SCN2A: variants seen among roughly 807,000 people sequenced by gnomAD.
The protein encoded by SCN2A is sodium channel protein type 2 subunit alpha.
A neutral mutation model predicts 188.7 loss-of-function variants in SCN2A; 20 were observed. The ratio of observed to expected loss-of-function variants is 0.11; its 90% CI spans 0.07 to 0.15. The LOEUF is 0.15. Among genes scored for constraint, SCN2A ranks in the 10% least tolerant of loss-of-function variants. The pLI, the probability that SCN2A is intolerant of heterozygous loss-of-function variation, is 1.00. For missense variants in SCN2A, 1,278 were observed against 2,445.0 expected (o/e 0.52, Z 10.07); for synonymous variants, 804 against 833.1 (o/e 0.97, Z 0.60).
At chr2:165,327,348 A>T (rs1245990163) in intron 13 of SCN2A, 1 of 226,420 alleles carries the variant, frequency 4.4e-6, no homozygotes, top group African/African-American at 2.3e-5. Context: ...GACACAAGTT[A>T]TAAAATCCTA....
chr2:165,291,487 TTTCTTTTC>T (rs751842222), intron 1 of SCN2A, among the ~76,000 whole-genome samples: 2,462 of 61,186 alleles, frequency 0.04, 39 homozygotes, highest in African/African-American at 0.067. Flanking sequence ...TCTTTCTTTC[TTTCTTTTC>T]TTTCTTTCTT....
chr2:165,292,438 G>C (rs556679646), intron 1 of SCN2A, among the ~76,000 whole-genome samples: 2 of 152,240 alleles, frequency 1.3e-5, no homozygotes, highest in South Asian at 4.1e-4. Flanking sequence ...CAGGTAGCAA[G>C]CATAGTACCC....
At chr2:165,292,952 C>G (rs1183437632) in intron 1 of SCN2A, among the ~76,000 whole-genome samples, 1 of 152,166 alleles carries the variant, frequency 6.6e-6, no homozygotes, top group Non-Finnish European at 1.5e-5. Flanking sequence ...TAATTGAAAG[C>G]CTAGCATTCA....
rs1702006258 is a variant in SCN2A, at chr2:165,388,719, G to A, written c.4913G>A (p.Arg1638His). 1 of 1,613,944 alleles carries A rather than the reference G, an allele frequency of 6.2e-7. No individual in the cohort carries two copies. Among genetic ancestry groups the A allele is most frequent in the Non-Finnish European group, 8.5e-7 (1 of 1,179,906 alleles). The change falls in exon 27 of 27, where the codon CGT becomes CAT. Residue 1638 changes from arginine (R) to histidine (H), a missense_variant. Arg to His is a conservative substitution (Grantham distance 29). Around this residue, in one of 17 missense-constraint regions of SCN2A, gnomAD observed 4 missense variants for 65.7 expected, o/e 0.06. Transcript: ENST00000375437. ...CTTGCCAGGATTGGCCGAATCCTAC[G>A]TCTGATCAAAGGAGCAAAGGGGATC... is the stretch of plus-strand genomic sequence containing the variant. ...IRLARIGRIL[R>H]LIKGAKGIRT...
chr2:165,303,270 G>GTTTTTTTTTTTTTTTTTTTTTTTTTTT (rs71028477), intron 3 of SCN2A, among the ~76,000 whole-genome samples: 3 of 91,314 alleles, frequency 3.3e-5, no homozygotes, highest in Admixed American at 1.5e-4. Context: ...TGTTATTTGA[G>GTTTTTTTTTTTTTTTTTTTTTTTTTTT]TTTTTTTTTT....
At chr2:165,260,061 A>G (rs1043725558) in intron 1 of SCN2A, among the ~76,000 whole-genome samples, 1 of 148,112 alleles carries the variant, frequency 6.8e-6, no homozygotes, top group African/African-American at 2.5e-5. Flanking sequence ...CTCCCACCTC[A>G]ACCTCCCGAG....
intron 8 of SCN2A, among the ~76,000 whole-genome samples, chr2:165,313,109 C>G (rs1304597352): frequency 2.0e-5 from 3 of 152,070 alleles, no homozygotes; most frequent in South Asian, 4.1e-4. Flanking sequence ...TGCCCAAGAT[C>G]GTTCAGCTCA....
intron 13 of SCN2A, chr2:165,328,543 G>C: frequency 2.0e-6 from 2 of 982,590 alleles, no homozygotes; most frequent in Non-Finnish European, 2.4e-6. Context: ...GACAGGGTAA[G>C]TCTAAATCAA....
At position 165,372,994 on chromosome 2, in the gene SCN2A, G is replaced by A. The variant is rs144431811; in HGVS notation, c.3850-231G>A. On this transcript the variant is annotated intron_variant, in intron 20 of 26. Coordinates refer to ENST00000375437, the MANE Select transcript of SCN2A (RefSeq NM_001040142.2). ...ATGGGCTTCTTTTTTATAAGTGTTC[G>A]CAGACTAGTATCATTAACTTCACCC... 885 of 414,988 alleles carry A rather than the reference G, an allele frequency of 2.1e-3. 5 individuals carry two copies. The highest frequency in any genetic ancestry group is 0.016 in the African/African-American group (797 of 49,716). The allele number at this position is 414,988 out of a possible 1,614,324, so 25.7% of individuals were successfully genotyped here.
At chr2:165,259,364 T>G (rs1694474546) in intron 1 of SCN2A, among the ~76,000 whole-genome samples, 1 of 152,202 alleles carries the variant, frequency 6.6e-6, no homozygotes, top group South Asian at 2.1e-4. Context: ...TTGCATTGAT[T>G]GACTCATATT....
chr2:165,260,837 G>A (rs1694562205), intron 1 of SCN2A, among the ~76,000 whole-genome samples: 1 of 151,910 alleles, frequency 6.6e-6, no homozygotes, highest in African/African-American at 2.4e-5. Flanking sequence ...GGGGGTGGTG[G>A]CAGGCACTTG....
Position 165,323,520 on chromosome 2 carries a change from C to T in SCN2A, c.2016+20C>T. 1 of 1,593,524 alleles carries T rather than the reference C, an allele frequency of 6.3e-7. No individual in the cohort carries two copies. Among genetic ancestry groups the T allele is most frequent in the South Asian group, 1.1e-5 (1 of 88,898 alleles). On this transcript the variant is annotated intron_variant, in intron 12 of 26. Coordinates refer to ENST00000375437, the MANE Select transcript of SCN2A (RefSeq NM_001040142.2). ...CCAGAGGTGAGGCCAATTAAAATTG[C>T]AGCTGATGTGAAGAGAGTTGTGACT...
chr2:165,339,065 G>GA lies in SCN2A; in HGVS notation c.2389-3225dup, dbSNP rs1255386199. On this transcript the variant is annotated intron_variant, in intron 14 of 26. Coordinates refer to ENST00000375437, the MANE Select transcript of SCN2A (RefSeq NM_001040142.2). ...TGAAACCCCGTCTGTACTAAAAATAGAAAAAATTAGCTGAGCGTGGTGGCA... is the reference window on the plus strand; with the variant it reads ...TGAAACCCCGTCTGTACTAAAAATAGAAAAAAATTAGCTGAGCGTGGTGGCA... Among the ~76,000 whole-genome samples the GA allele has an allele frequency of 2.0e-5, 3 of 151,956 alleles. No individual in the cohort carries two copies. The East Asian group carries it at 5.8e-4, about 29-fold the overall frequency.
intron 1 of SCN2A, among the ~76,000 whole-genome samples, chr2:165,291,481 T>C (rs1696153624): frequency 1.6e-5 from 1 of 61,022 alleles, no homozygotes; most frequent in Non-Finnish European, 3.6e-5. Flanking sequence ...TTTCTTTCTT[T>C]CTTTCTTTCT....
intron 3 of SCN2A, among the ~76,000 whole-genome samples, chr2:165,306,510 G>A (rs12616539): frequency 0.18 from 802 of 4,574 alleles, 6 homozygotes; most frequent in African/African-American, 0.28. Flanking sequence ...TATTTTGTGT[G>A]TGTGTGTGTG....
At chr2:165,343,685 A>G (rs1055808800) in intron 15 of SCN2A, among the ~76,000 whole-genome samples, 1 of 152,196 alleles carries the variant, frequency 6.6e-6, no homozygotes, top group African/African-American at 2.4e-5. Flanking sequence ...CTCTTTAACC[A>G]TAAATGGTAC....
rs1290902719 is a variant in SCN2A at position 165,374,811 on chromosome 2, A to G, written c.4099A>G (p.Ile1367Val). ...CTTTGCTGGCAAGTTTTACCATTGT[A>G]TTAATTACACCACTGGAGAGATGTT... ...NLFAGKFYHC[I>V]NYTTGEMFDV... is the part of the protein sequence containing the mutation. The change falls in exon 22 of 27, where the codon ATT becomes GTT. Residue 1367 changes from isoleucine to valine, a missense_variant. Coordinates refer to ENST00000375437, the MANE Select transcript of SCN2A (RefSeq NM_001040142.2). 6.2e-7 allele frequency: 1 copy of G among 1,613,642 alleles called. No homozygotes were observed. Among genetic ancestry groups the G allele is most frequent in the South Asian group, 1.1e-5 (1 of 91,066 alleles).
rs768075334 is a variant in SCN2A, at chr2:165,315,551, A to G, written c.1464A>G (p.Ser488=). Residue 488 remains serine, a synonymous_variant, in exon 11 of 27, where the codon TCA becomes TCG. Transcript: ENST00000375437. ...GGIGVFSESS[S]VASKLSSKSE... ...TAGGAGTTTTTTCAGAGAGTTCTTC[A>G]GTAGCATCTAAGTTGAGCTCCAAAA... 1.2e-6 allele frequency: 2 copies of G among 1,614,074 alleles called. No homozygotes were observed. Among genetic ancestry groups the G allele is most frequent in the East Asian group, 2.2e-5 (1 of 44,872 alleles).
At position 165,389,119 on chromosome 2, in the gene SCN2A, C is replaced by T; in HGVS notation, c.5313C>T (p.Tyr1771=). Residue 1771 remains tyrosine, a synonymous_variant, in exon 27 of 27, where the codon TAC becomes TAT. Coordinates refer to ENST00000375437, the MANE Select transcript of SCN2A (RefSeq NM_001040142.2). The surrounding 1 kb of genome is among the most constrained non-coding windows in gnomAD (Gnocchi z 4.2). The part of the protein sequence containing the change: ...IISFLVVVNM[Y]IAVILENFSV... ...CCTTCCTGGTTGTGGTGAACATGTA[C>T]ATCGCGGTCATCCTGGAGAACTTCA... 1 of 1,614,058 alleles carries T rather than the reference C, an allele frequency of 6.2e-7. No individual in the cohort carries two copies. Among genetic ancestry groups the T allele is most frequent in the Non-Finnish European group, 8.5e-7 (1 of 1,180,002 alleles).
Sources: gnomAD v4.1 joint callset for allele counts (sites outside exome capture counted in the v4.1 genomes callset) on GRCh38, gnomAD v4.1.1 for gene constraint, gnomAD v4.1.1 regional missense constraint, Gnocchi (gnomAD v3.1) non-coding constraint, MANE v1.5 for transcripts, NCBI Gene and HGNC (gene_info 2026-07-23, HGNC 2026-07-21) for gene names.